Variants in PCDH7 observed in about 807,000 individuals in gnomAD.
The protein encoded by PCDH7 is protocadherin-7.
A neutral mutation model predicts 58.9 loss-of-function variants in PCDH7; 17 were observed. That is an observed-to-expected ratio of 0.29 (90% CI 0.20 to 0.43). The LOEUF (loss-of-function observed/expected upper bound fraction) is 0.43. PCDH7 is among the 20% of genes least tolerant of loss of function. PCDH7 has a pLI of 1.00. For synonymous variants in PCDH7, 664 were observed against 616.4 expected (o/e 1.08, Z -1.14); for missense variants, 1,274 against 1,441.0 (o/e 0.88, Z 1.88).
At chr4:30,728,882 CAT>C (rs1715040040) in intron 1 of PCDH7, among the ~76,000 whole-genome samples, 1 of 151,208 alleles carries the variant, frequency 6.6e-6, no homozygotes, top group South Asian at 2.1e-4. Flanking sequence ...CATATACACA[CAT>C]ATTAGTGTAT....
At chr4:31,035,168 T>C (rs1755288162) in intron 3 of PCDH7, among the ~76,000 whole-genome samples, 1 of 152,100 alleles carries the variant, frequency 6.6e-6, no homozygotes, top group Non-Finnish European at 1.5e-5. Context: ...CAGTAAGATA[T>C]GTACTTGTCC....
intron 1 of PCDH7, among the ~76,000 whole-genome samples, chr4:30,772,810 G>C (rs1347577557): frequency 1.3e-5 from 2 of 152,204 alleles, no homozygotes; most frequent in African/African-American, 4.8e-5. Flanking sequence ...AGTGCTGTAA[G>C]TTTTTAGAAA....
intron 1 of PCDH7, among the ~76,000 whole-genome samples, chr4:30,741,214 CTT>C (rs1273022096): frequency 1.3e-5 from 2 of 151,722 alleles, no homozygotes; most frequent in African/African-American, 4.8e-5. Context: ...CCTTAGTCCA[CTT>C]ATGCATTTAT....
At chr4:30,821,708 G>A (rs553584558) in intron 1 of PCDH7, among the ~76,000 whole-genome samples, 14 of 152,246 alleles carry the variant, frequency 9.2e-5, no homozygotes, top group East Asian at 1.9e-4. Context: ...GTGATAAATG[G>A]TCTGTGTTCA....
chr4:30,911,341 A>T (rs1741737861), intron 1 of PCDH7, among the ~76,000 whole-genome samples: 1 of 139,644 alleles, frequency 7.2e-6, no homozygotes, highest in Admixed American at 7.2e-5. Flanking sequence ...CAAAAAAAAG[A>T]ACTACTAGAA....
chr4:31,030,482 C>T (rs558402699), intron 3 of PCDH7, among the ~76,000 whole-genome samples: 3 of 152,206 alleles, frequency 2.0e-5, no homozygotes, highest in African/African-American at 7.2e-5. Flanking sequence ...GTTTGTTCTC[C>T]AAATTGTGTC....
At chr4:31,013,577 C>T (rs1267476989) in intron 3 of PCDH7, among the ~76,000 whole-genome samples, 1 of 133,800 alleles carries the variant, frequency 7.5e-6, no homozygotes, top group African/African-American at 3.0e-5. Context: ...AGAGTATGTC[C>T]ATATATATAT....
At chr4:30,809,129 A>G (rs540734098) in intron 1 of PCDH7, among the ~76,000 whole-genome samples, 44 of 152,364 alleles carry the variant, frequency 2.9e-4, no homozygotes, top group African/African-American at 9.6e-4. Flanking sequence ...CAACCTTTTA[A>G]AAAATCAAAT....
In PCDH7 at chr4:31,023,056, G is replaced by A. The variant is rs567843257; in HGVS notation, c.*7+72841G>A. On this transcript the variant is annotated intron_variant, in intron 3 of 3. Transcript: ENST00000509759. ...GGTAAAGGAAATGAGAGCGAAACCG[G>A]CAAATGTTTGCAATGGACATTGAAA... Among the ~76,000 whole-genome samples the A allele has an allele frequency of 3.9e-5, 6 of 152,286 alleles. No homozygotes were observed. The East Asian group carries it at 1.2e-3, about 29-fold the overall frequency.
At chr4:30,934,759 T>C (rs909805228) in intron 2 of PCDH7, among the ~76,000 whole-genome samples, 5 of 152,170 alleles carry the variant, frequency 3.3e-5, no homozygotes, top group African/African-American at 1.2e-4. Context: ...ATATTTTCAG[T>C]TTTAAAAAGT....
intron 1 of PCDH7, among the ~76,000 whole-genome samples, chr4:30,744,562 T>C (rs1218692911): frequency 6.6e-6 from 1 of 152,190 alleles, no homozygotes; most frequent in Non-Finnish European, 1.5e-5. Flanking sequence ...GGAATAATTA[T>C]AATGTAGTAT....
intron 3 of PCDH7, among the ~76,000 whole-genome samples, chr4:31,141,583 A>C (rs1720261247): frequency 6.6e-6 from 1 of 152,220 alleles, no homozygotes; most frequent in African/African-American, 2.4e-5. Flanking sequence ...ACAGGTAATT[A>C]TTAACTGTCA....
chr4:30,774,547 C>T (rs1721820310), intron 1 of PCDH7, among the ~76,000 whole-genome samples: 3 of 152,126 alleles, frequency 2.0e-5, no homozygotes, highest in African/African-American at 7.2e-5. Context: ...GTGCTAGGCA[C>T]AACAGAAGCC....
At chr4:30,897,096 CG>C (rs1168034249) in intron 1 of PCDH7, among the ~76,000 whole-genome samples, 1 of 151,358 alleles carries the variant, frequency 6.6e-6, no homozygotes, top group African/African-American at 2.4e-5. Flanking sequence ...AGTAGACACA[CG>C]GTTTCACTGT....
chr4:30,967,323 G>A (rs1749083319), intron 3 of PCDH7, among the ~76,000 whole-genome samples: 1 of 152,072 alleles, frequency 6.6e-6, no homozygotes, highest in South Asian at 2.1e-4. Flanking sequence ...GAGCCTAATA[G>A]CTAGCAATAG....
At chr4:31,037,267 T>A (rs1453923758) in intron 3 of PCDH7, among the ~76,000 whole-genome samples, 1 of 152,246 alleles carries the variant, frequency 6.6e-6, no homozygotes, top group Non-Finnish European at 1.5e-5. Context: ...TTTGTTCATC[T>A]GTATGTTGGG....
chr4:30,802,284 A>G (rs1011663023), intron 1 of PCDH7, among the ~76,000 whole-genome samples: 15 of 118,844 alleles, frequency 1.3e-4, no homozygotes, highest in African/African-American at 6.4e-4. Flanking sequence ...TCAGTATGGT[A>G]GCCAGGCAAG....
intron 3 of PCDH7, among the ~76,000 whole-genome samples, chr4:31,082,956 A>G (rs958406109): frequency 1.3e-5 from 2 of 152,048 alleles, no homozygotes; most frequent in African/African-American, 4.8e-5. Context: ...AAAATACAAA[A>G]AATTAGCTGG....
Position 30,844,363 on chromosome 4 carries a change from A to G in PCDH7, c.71-75790A>G, listed in dbSNP as rs572338305. ...ACAAATAGTATAATCAGCAATTTAA[A>G]TTTTTTTCTTGTATACTTAGCTATA... is the stretch of plus-strand genomic sequence containing the variant. On this transcript the variant is annotated intron_variant, in intron 1 of 3. Coordinates refer to the PCDH7 transcript ENST00000509759. 2.0e-5 allele frequency among the ~76,000 whole-genome samples: 3 copies of G among 152,276 alleles called. No individual in the cohort carries two copies. In the East Asian group the frequency reaches 5.8e-4, roughly 29 times the overall value.
Sources: allele counts gnomAD v4.1 joint callset (sites outside exome capture counted in the v4.1 genomes callset), GRCh38; gene constraint gnomAD v4.1.1; transcripts MANE v1.5; gene names NCBI Gene and HGNC (gene_info 2026-07-23, HGNC 2026-07-21).